IRF5: variants seen among roughly 807,000 people sequenced by gnomAD.
The protein encoded by IRF5 is interferon regulatory factor 5.
In IRF5, 24 loss-of-function variants were observed where a neutral mutation model predicts 55.1. The ratio of observed to expected loss-of-function variants is 0.44; its 90% CI spans 0.32 to 0.61. The LOEUF is 0.61. Among genes scored for constraint, IRF5 ranks in the 20% least tolerant of loss-of-function variants. IRF5 has a pLI of 0.07. For missense variants in IRF5, 499 were observed against 658.5 expected, an observed-to-expected ratio of 0.76 and a Z score of 2.65; for synonymous variants, 258 against 260.2, an observed-to-expected ratio of 0.99 and a Z score of 0.08.
At position 128,946,456 on chromosome 7, in the gene IRF5, A is replaced by T; in HGVS notation, c.386-45A>T. ...CTCAGGGGATCTTGCTTCTCCTCCG[A>T]CATTGACTCCTTTACTGCCCTGCTT... On this transcript the variant is annotated intron_variant, in intron 3 of 8. Coordinates refer to ENST00000357234, the MANE Select transcript of IRF5 (RefSeq NM_001098629.3). The surrounding 1 kb of genome is among the most constrained non-coding windows in gnomAD (Gnocchi z 4.2). 6.4e-7 allele frequency: 1 copy of T among 1,573,202 alleles called. No homozygotes were observed. Among genetic ancestry groups the T allele is most frequent in the South Asian group, 1.2e-5 (1 of 85,654 alleles).
In IRF5 at chr7:128,944,747, C is replaced by T. The variant is rs140652333; in HGVS notation, c.196-1098C>T. 8.6e-4 allele frequency among the ~76,000 whole-genome samples: 131 copies of T among 152,304 alleles called. 1 individual carries two copies. The highest frequency in any genetic ancestry group is 1.3e-3 in the Non-Finnish European group (87 of 68,036). On this transcript the variant is annotated intron_variant, in intron 2 of 8. Transcript: ENST00000357234. ...TTTGTCTAGACTTAATACTTCTTGA[C>T]GATTGCTACATGTCAGCTTATAAAC...
In IRF5 at chr7:128,946,443, T is replaced by A; in HGVS notation, c.386-58T>A. 1 of 1,558,162 alleles carries A rather than the reference T, an allele frequency of 6.4e-7. No homozygotes were observed. The highest frequency in any genetic ancestry group is 1.7e-4 in the Middle Eastern group (1 of 5,982). On this transcript the variant is annotated intron_variant, in intron 3 of 8. Transcript: ENST00000357234. This position sits in a 1 kb window ranked among gnomAD's most constrained non-coding sequence, Gnocchi z 4.2. ...CTACAGGCAGCCTCTCAGGGGATCT[T>A]GCTTCTCCTCCGACATTGACTCCTT...
At position 128,948,889 on chromosome 7, in the gene IRF5, C is replaced by T; in HGVS notation, c.*71C>T. ...CGGACTGATGTGGAGATGTGACAGC[C>T]CCGATGAGCACCTGGCTGGCTGCAG... On this transcript the variant is annotated 3_prime_UTR_variant, in exon 9 of 9. Transcript: ENST00000357234. This position sits in a 1 kb window ranked among gnomAD's most constrained non-coding sequence, Gnocchi z 4.6. 1 of 1,537,920 alleles carries T rather than the reference C, an allele frequency of 6.5e-7. No individual in the cohort carries two copies.
At position 128,945,825 on chromosome 7, in the gene IRF5, G is replaced by A. The variant is rs752324221; in HGVS notation, c.196-20G>A. 6 of 1,593,760 alleles carry A rather than the reference G, an allele frequency of 3.8e-6. No homozygotes were observed. The highest frequency in any genetic ancestry group is 5.1e-6 in the Non-Finnish European group (6 of 1,174,574). On this transcript the variant is annotated intron_variant, in intron 2 of 8. Transcript: ENST00000357234. ...GCAGGGATGAGGTTCTCTGTGGTCG[G>A]CTATTTCTTCCTGCCCCAGGCCTGG... is the stretch of plus-strand genomic sequence containing the variant.
chr7:128,944,277 AAACCTG>A (rs1796190379), intron 2 of IRF5, among the ~76,000 whole-genome samples: 2 of 152,268 alleles, frequency 1.3e-5, no homozygotes, highest in South Asian at 4.2e-4. Context: ...ATTGCTTTTA[AAACCTG>A]AACTTAAAAA....
chr7:128,948,428 G>A lies in IRF5; in HGVS notation c.1299+100G>A. On this transcript the variant is annotated intron_variant, in intron 8 of 8. Coordinates refer to ENST00000357234, the MANE Select transcript of IRF5 (RefSeq NM_001098629.3). This position sits in a 1 kb window ranked among gnomAD's most constrained non-coding sequence, Gnocchi z 4.6. ...CTGGAGGCTCAGGGCTCCCTGAGCA[G>A]TGTGAACTTGGCGGCCAGAGACCAT... is the stretch of plus-strand genomic sequence containing the variant. 2 of 1,460,658 alleles carry A rather than the reference G, an allele frequency of 1.4e-6. No individual in the cohort carries two copies. Among genetic ancestry groups the A allele is most frequent in the Admixed American group, 3.7e-5 (2 of 53,396 alleles). 90.5% of individuals were successfully genotyped at this position (1,460,658 alleles called of 1,614,324 possible).
chr7:128,941,987 T>G, intron 1 of IRF5, 84 bp from the exon 2 acceptor site: 2 of 1,004,428 alleles, frequency 2.0e-6, no homozygotes, highest in Non-Finnish European at 3.0e-6. Flanking sequence ...GACCATCCTT[T>G]GTGGTCCATA....
intron 2 of IRF5, among the ~76,000 whole-genome samples, chr7:128,943,570 T>C (rs1278852666): frequency 6.7e-6 from 1 of 150,028 alleles, no homozygotes; most frequent in Non-Finnish European, 1.5e-5. Flanking sequence ...AGATGGAGTC[T>C]TGCTTTTTCA....
chr7:128,943,707 ATTTTTTTTTTTTTTTTTTTTTTT>A (rs61451031), intron 2 of IRF5, among the ~76,000 whole-genome samples: 1 of 71,950 alleles, frequency 1.4e-5, no homozygotes, highest in African/African-American at 6.9e-5. Flanking sequence ...TGCCCGGCTA[ATTTTTTTTTTTTTTTTTTTTTTT>A]TTTTTTTTTT....
chr7:128,946,334 G>T lies in IRF5; in HGVS notation c.386-167G>T, dbSNP rs1016046518. On this transcript the variant is annotated intron_variant, in intron 3 of 8. Transcript: ENST00000357234. This position sits in a 1 kb window ranked among gnomAD's most constrained non-coding sequence, Gnocchi z 4.2. ...GTCTCATGGCCCATGGAGTCGGGGA[G>T]GTCTTTCCCAATCCTGGTGGCTGTG... Among the ~76,000 whole-genome samples, 1 of 152,234 alleles carries T rather than the reference G, an allele frequency of 6.6e-6. No individual in the cohort carries two copies. The highest frequency in any genetic ancestry group is 6.5e-5 in the Admixed American group (1 of 15,290).
rs1796471518 is a variant in IRF5 at position 128,948,765 on chromosome 7, G to A, written c.1492G>A (p.Gly498Ser). The A allele has an allele frequency of 1.2e-6, 2 of 1,611,240 alleles. No homozygotes were observed. The highest frequency in any genetic ancestry group is 2.2e-5 in the South Asian group (2 of 91,088). ...TGTGGCCCAGGCCCCTCCTGGAGCA[G>A]GCCTTGGTGTTGGCCAGGGGCCCTG... is the stretch of plus-strand genomic sequence containing the variant. ...QPVAQAPPGA[G>S]LGVGQGPWPM... The change falls in exon 9 of 9, where the codon GGC (glycine) becomes AGC (serine). Residue 498 changes from glycine to serine, a missense_variant. By Grantham distance (56) the Gly-to-Ser change is moderately conservative. This residue lies in a region of IRF5 where 194 missense variants were observed against 318.3 expected (regional missense o/e 0.61). Transcript: ENST00000357234. The surrounding 1 kb of genome is among the most constrained non-coding windows in gnomAD (Gnocchi z 4.6).
At position 128,946,142 on chromosome 7, in the gene IRF5, T is replaced by A; in HGVS notation, c.385+108T>A. ...GGCCAAGGGCCCCTCTAGCAGGCAG[T>A]GGTCCAGGAAACGATGCGGGGGCTC... On this transcript the variant is annotated intron_variant, in intron 3 of 8. Transcript: ENST00000357234. The surrounding 1 kb of genome is among the most constrained non-coding windows in gnomAD (Gnocchi z 4.2). 9.0e-7 allele frequency: 1 copy of A among 1,115,782 alleles called. No individual in the cohort carries two copies. Among genetic ancestry groups the A allele is most frequent in the Non-Finnish European group, 1.2e-6 (1 of 802,784 alleles). The allele number at this position is 1,115,782 out of a possible 1,614,324, so 69.1% of individuals were successfully genotyped here.
chr7:128,941,575 C>T (rs1352708065), intron 1 of IRF5, among the ~76,000 whole-genome samples: 1 of 152,160 alleles, frequency 6.6e-6, no homozygotes, highest in Non-Finnish European at 1.5e-5. Context: ...AAAACTTGGG[C>T]AGGGAAGAAT....
intron 2 of IRF5, 131 bp from the exon 3 acceptor site, chr7:128,945,714 T>TGGGGCTCAGC: frequency 1.2e-6 from 1 of 844,240 alleles, no homozygotes; most frequent in Non-Finnish European, 1.8e-6. Flanking sequence ...AAACCAGGTC[T>TGGGGCTCAGC]GGGGCTCAGC....
chr7:128,946,716 A>ACAGT lies in IRF5; in HGVS notation c.447+156_447+159dup. 1.5e-6 allele frequency: 1 copy of ACAGT among 655,762 alleles called. No homozygotes were observed. The highest frequency in any genetic ancestry group is 1.8e-5 in the South Asian group (1 of 56,098). The allele number at this position is 655,762 out of a possible 1,614,324, so 40.6% of individuals were successfully genotyped here. ...TCCTGGGATTCTGAACGATAGGAGC[A>ACAGT]CAGTCCCCACCTGCTCCTTCCCAGG... On this transcript the variant is annotated intron_variant, in intron 4 of 8. Transcript: ENST00000357234. The surrounding 1 kb of genome is among the most constrained non-coding windows in gnomAD (Gnocchi z 4.2).
In IRF5 at chr7:128,948,550, C is replaced by T; in HGVS notation, c.1300-23C>T. Reference sequence around the variant, plus strand: ...GCAGCCCTGCCACAGGTCTCCCTGTCTCATCTCCTCTTTGCCTCCCAGGTG... The same window carrying T: ...GCAGCCCTGCCACAGGTCTCCCTGTTTCATCTCCTCTTTGCCTCCCAGGTG... On this transcript the variant is annotated intron_variant, in intron 8 of 8. Transcript: ENST00000357234. This position sits in a 1 kb window ranked among gnomAD's most constrained non-coding sequence, Gnocchi z 4.6. 1 of 1,612,152 alleles carries T rather than the reference C, an allele frequency of 6.2e-7. No homozygotes were observed. The highest frequency in any genetic ancestry group is 8.5e-7 in the Non-Finnish European group (1 of 1,179,764).
chr7:128,938,701 C>A (rs889573623), intron 1 of IRF5, among the ~76,000 whole-genome samples: 1 of 152,070 alleles, frequency 6.6e-6, no homozygotes, highest in African/African-American at 2.4e-5. Flanking sequence ...AAGGATGGGG[C>A]GCAATAGTTC....
Position 128,947,735 on chromosome 7 carries a change from A to T in IRF5, c.794A>T (p.Asp265Val). ...CCTGCCTTCTGCCCCACAGTGACCG[A>T]CCTGGAGATCAAGTTTCAGTACCGG... ...LISPHMLPLT[D>V]LEIKFQYRGR... The change falls in exon 7 of 9, where the codon GAC becomes GTC. Residue 265 changes from aspartate (D) to valine (V), a missense_variant. Coordinates refer to ENST00000357234, the MANE Select transcript of IRF5 (RefSeq NM_001098629.3). The surrounding 1 kb of genome is among the most constrained non-coding windows in gnomAD (Gnocchi z 6.5). 1 of 1,605,298 alleles carries T rather than the reference A, an allele frequency of 6.2e-7. No individual in the cohort carries two copies. The highest frequency in any genetic ancestry group is 8.5e-7 in the Non-Finnish European group (1 of 1,177,816).
At chr7:128,943,191 C>A in intron 2 of IRF5, 2 of 219,518 alleles carry the variant, frequency 9.1e-6, no homozygotes, top group Non-Finnish European at 1.9e-5. Flanking sequence ...CCTGCCACCA[C>A]AACTGGCTAA....
Sources: gnomAD v4.1 joint callset for allele counts (sites outside exome capture counted in the v4.1 genomes callset) on GRCh38, gnomAD v4.1.1 for gene constraint, gnomAD v4.1.1 regional missense constraint, Gnocchi (gnomAD v3.1) non-coding constraint, MANE v1.5 for transcripts, NCBI Gene and HGNC (gene_info 2026-07-23, HGNC 2026-07-21) for gene names.